Variants in HDLBP observed in about 807,000 individuals in gnomAD.
The protein encoded by HDLBP is vigilin.
Under a neutral mutation model 137.3 loss-of-function variants are expected in HDLBP, and 30 were observed. That is an observed-to-expected ratio of 0.22 (90% CI 0.16 to 0.30). The LOEUF (loss-of-function observed/expected upper bound fraction) is 0.30, where lower values mean the gene tolerates loss of function less well. HDLBP is among the 10% of genes least tolerant of loss of function. The pLI, the probability that HDLBP is intolerant of heterozygous loss-of-function variation, is 1.00. For missense variants in HDLBP, 1,119 were observed against 1,667.3 expected, an observed-to-expected ratio of 0.67 and a Z score of 5.73; for synonymous variants, 606 against 596.0, an observed-to-expected ratio of 1.02 and a Z score of -0.24.
intron 21 of HDLBP, chr2:241,236,278 C>CG (rs971736654): frequency 5.1e-5 from 17 of 331,596 alleles, no homozygotes; most frequent in Middle Eastern, 9.4e-4. Flanking sequence ...CCCACTCACG[C>CG]GGGGGGAGAC....
intron 1 of HDLBP, among the ~76,000 whole-genome samples, chr2:241,296,937 C>T (rs1419555352): frequency 5.3e-5 from 8 of 152,266 alleles, no homozygotes; most frequent in African/African-American, 1.9e-4. Context: ...TGGAAGAACA[C>T]GAGTGTGCGT....
chr2:241,246,062 C>T (rs1390711439), intron 16 of HDLBP, among the ~76,000 whole-genome samples: 1 of 152,156 alleles, frequency 6.6e-6, no homozygotes, highest in Non-Finnish European at 1.5e-5. Flanking sequence ...TGATCTATCC[C>T]TACAGTGCAA....
chr2:241,314,988 G>A (rs2149751010), intron 1 of HDLBP: 1 of 152,218 alleles, frequency 6.6e-6, no homozygotes, highest in Admixed American at 6.5e-5. Flanking sequence ...GGCACAACCC[G>A]CGGGCCGGAG....
chr2:241,256,845 G>A, intron 5 of HDLBP, 39 bp from the exon 6 acceptor site: 1 of 1,562,558 alleles, frequency 6.4e-7, no homozygotes, highest in Non-Finnish European at 8.8e-7. Context: ...AAGAATATTT[G>A]TAGGTTCTGA....
intron 24 of HDLBP, 88 bp from the exon 25 acceptor site, chr2:241,231,032 C>A: frequency 8.6e-7 from 1 of 1,156,660 alleles, no homozygotes; most frequent in Non-Finnish European, 1.3e-6. Context: ...CTGAGGAAAA[C>A]AGCTCAGGAG....
chr2:241,237,051 G>A (rs2070620382), intron 20 of HDLBP, among the ~76,000 whole-genome samples: 1 of 149,590 alleles, frequency 6.7e-6, no homozygotes, highest in Non-Finnish European at 1.5e-5. Flanking sequence ...TCTTCACCTT[G>A]AAGATGAAGC....
intron 11 of HDLBP, 86 bp from the exon 12 acceptor site, chr2:241,250,066 G>A (rs1302360674): frequency 5.3e-6 from 7 of 1,321,512 alleles, no homozygotes; most frequent in Admixed American, 5.0e-5. Context: ...GCGCTAAAGC[G>A]CTAAATAACC....
rs761469892 is a variant in HDLBP, at chr2:241,239,945, C to T, written c.2347G>A (p.Val783Ile). ...TCCAGCTCCTTCTGTGCCTCTCGGACGGCGTCCTCCTTTCCAATGATGGTG... is the reference window on the plus strand; with the variant it reads ...TCCAGCTCCTTCTGTGCCTCTCGGATGGCGTCCTCCTTTCCAATGATGGTG... ...LITIIGKEDAVREAQKELEAL... is the reference protein window; with the variant it reads ...LITIIGKEDAIREAQKELEAL... Residue 783 changes from valine (V) to isoleucine (I), a missense_variant, in exon 18 of 28, where the codon GTC becomes ATC. Val to Ile is a conservative substitution (Grantham distance 29). Transcript: ENST00000310931. The surrounding 1 kb of genome is among the most constrained non-coding windows in gnomAD (Gnocchi z 4.6). 33 of 1,614,080 alleles carry T rather than the reference C, an allele frequency of 2.0e-5. No individual in the cohort carries two copies. The highest frequency in any genetic ancestry group is 2.7e-5 in the African/African-American group (2 of 74,940).
chr2:241,267,793 T>C, intron 2 of HDLBP: 1 of 1,486,836 alleles, frequency 6.7e-7, no homozygotes, highest in Non-Finnish European at 8.9e-7. Context: ...TGATCCACAC[T>C]GACTGGTTAT....
At chr2:241,273,997 A>G (rs940307418) in intron 1 of HDLBP, among the ~76,000 whole-genome samples, 2 of 152,138 alleles carry the variant, frequency 1.3e-5, no homozygotes, top group Non-Finnish European at 2.9e-5. Flanking sequence ...TTTGGTATAT[A>G]TTCAGAAAGA....
chr2:241,232,808 ATC>A (rs755168401), intron 24 of HDLBP, among the ~76,000 whole-genome samples: 85 of 152,118 alleles, frequency 5.6e-4, no homozygotes, highest in Non-Finnish European at 1.0e-3. Context: ...GACAAAGACT[ATC>A]TCTCTCAAAA....
intron 1 of HDLBP, chr2:241,271,812 T>C (rs1438351344): frequency 1.3e-5 from 2 of 152,152 alleles, no homozygotes; most frequent in African/African-American, 2.4e-5. Context: ...AAGTTCAGAA[T>C]GGGAAAATAA....
At chr2:241,307,874 A>AT (rs202170688) in intron 1 of HDLBP, among the ~76,000 whole-genome samples, 3,204 of 141,206 alleles carry the variant, frequency 0.023, 98 homozygotes, top group African/African-American at 0.071. Context: ...CCTTGAACTA[A>AT]TTTTTTTTTT....
Position 241,315,605 on chromosome 2 carries a change from C to T in HDLBP, c.-138G>A, listed in dbSNP as rs553724695. ...CTTATAAGCATAAGAAAACCGAGCT[C>T]ATAAGGTAGGAACTGTGGCGAAACA... On this transcript the variant is annotated 5_prime_UTR_variant, in exon 1 of 28. It removes an upstream start codon present in the reference 5' UTR. Transcript: ENST00000310931. 5 of 152,360 alleles carry T rather than the reference C, an allele frequency of 3.3e-5. No individual in the cohort carries two copies. 9.4% of individuals were successfully genotyped at this position (152,360 alleles called of 1,614,324 possible).
At chr2:241,294,166 C>T (rs1041965536) in intron 1 of HDLBP, among the ~76,000 whole-genome samples, 4 of 152,086 alleles carry the variant, frequency 2.6e-5, no homozygotes, top group African/African-American at 7.2e-5. Flanking sequence ...CTTTGTCTCA[C>T]GGGTGCCACG....
chr2:241,243,134 G>A (rs555675593), intron 16 of HDLBP, among the ~76,000 whole-genome samples: 6 of 152,234 alleles, frequency 3.9e-5, no homozygotes, highest in South Asian at 2.1e-4. Context: ...TGAACTTACC[G>A]CCTAATGGTG....
intron 1 of HDLBP, among the ~76,000 whole-genome samples, chr2:241,278,250 A>G (rs998315122): frequency 2.0e-5 from 3 of 152,344 alleles, no homozygotes; most frequent in Non-Finnish European, 4.4e-5. Context: ...TACTCGCCAC[A>G]TTAACAGCAT....
Position 241,230,225 on chromosome 2 carries a change from G to A in HDLBP, c.3519C>T (p.Cys1173=), listed in dbSNP as rs773657570. 2.5e-6 allele frequency: 4 copies of A among 1,612,396 alleles called. No homozygotes were observed. Among genetic ancestry groups the A allele is most frequent in the Admixed American group, 3.3e-5 (2 of 59,966 alleles). The change falls in exon 26 of 28, where the codon TGC becomes TGT. Residue 1173 remains cysteine (C), a synonymous_variant. Transcript: ENST00000310931. This position sits in a 1 kb window ranked among gnomAD's most constrained non-coding sequence, Gnocchi z 5.0. ...TCTCTGGGAGCCCCGTCACAGTGAC[G>A]CAGTTGGGGTCTGGGGCTCCGCTCT... is the stretch of plus-strand genomic sequence containing the variant. The part of the protein sequence containing the change: ...FPQSGAPDPN[C]VTVTGLPENV...
intron 16 of HDLBP, among the ~76,000 whole-genome samples, chr2:241,246,248 G>A (rs764685087): frequency 6.6e-6 from 1 of 151,988 alleles, no homozygotes; most frequent in Non-Finnish European, 1.5e-5. Flanking sequence ...AGCAGACTGG[G>A]GGTTGCCTGG....
Sources: gnomAD v4.1 joint callset for allele counts (sites outside exome capture counted in the v4.1 genomes callset) on GRCh38, gnomAD v4.1.1 for gene constraint, Gnocchi (gnomAD v3.1) non-coding constraint, MANE v1.5 for transcripts, NCBI Gene and HGNC (gene_info 2026-07-23, HGNC 2026-07-21) for gene names.